Variants in KIF16B observed in about 807,000 individuals in gnomAD.
KIF16B encodes kinesin family member 16B.
KIF16B carries 98 observed loss-of-function variants against 156.3 expected under a neutral mutation model. The observed-to-expected ratio is 0.63, with a 90% CI of 0.53 to 0.74. The LOEUF (loss-of-function observed/expected upper bound fraction) is 0.74, where lower values mean the gene tolerates loss of function less well. Ranked by LOEUF, KIF16B falls within the 30% of genes least tolerant of loss-of-function variation. KIF16B has a pLI of 0.00. For missense variants in KIF16B, 1,421 were observed against 1,606.5 expected (o/e 0.88, Z 1.97); for synonymous variants, 564 against 583.7 (o/e 0.97, Z 0.49).
chr20:16,376,581 G>A (rs1309715262), intron 19 of KIF16B, among the ~76,000 whole-genome samples: 3 of 152,208 alleles, frequency 2.0e-5, no homozygotes, highest in African/African-American at 4.8e-5. Context: ...CCCGGAATCC[G>A]TCGGCCTGAA....
intron 23 of KIF16B, among the ~76,000 whole-genome samples, chr20:16,355,439 C>T (rs1456743706): frequency 6.6e-6 from 1 of 152,178 alleles, no homozygotes; most frequent in Non-Finnish European, 1.5e-5. Flanking sequence ...CAAATTGCAG[C>T]GGGGTCACAG....
rs1456630576 is a variant in KIF16B, at chr20:16,409,954, TATATATATATATATAC to T, written c.1613-3514_1613-3499del. ...CTTCCTACCCACTTACCTACATATA[TATATATATATATATAC>T]ATATATATATATATATATATATGTA... On this transcript the variant is annotated intron_variant, in intron 15 of 25. Transcript: ENST00000354981. Among the ~76,000 whole-genome samples, 164 of 33,748 alleles carry T rather than the reference TATATATATATATATAC, an allele frequency of 4.9e-3. 5 individuals are homozygous for T. Among genetic ancestry groups the T allele is most frequent in the African/African-American group, 0.012 (86 of 7,466 alleles). The allele number at this position is 33,748 out of a possible 152,430, so 22.1% of individuals were successfully genotyped here.
intron 23 of KIF16B, among the ~76,000 whole-genome samples, chr20:16,338,263 G>A (rs1039899799): frequency 1.1e-4 from 16 of 152,086 alleles, no homozygotes; most frequent in African/African-American, 2.7e-4. Flanking sequence ...CTGGGATGGC[G>A]GTCGATACTC....
At chr20:16,469,428 T>C (rs551379299) in intron 12 of KIF16B, among the ~76,000 whole-genome samples, 1 of 151,840 alleles carries the variant, frequency 6.6e-6, no homozygotes, top group Admixed American at 6.6e-5. Flanking sequence ...TGAAGAAATA[T>C]TTTAAACTAA....
At position 16,507,944 on chromosome 20, in the gene KIF16B, G is replaced by A. The variant is rs748736090; in HGVS notation, c.699+14C>T. On this transcript the variant is annotated intron_variant, in intron 7 of 25. Transcript: ENST00000354981. ...CTCAGGGATGGAGCCAGCTGGTCCC[G>A]CAGCAGCCCTTACCTGAGTGAACTT... 7.4e-5 allele frequency: 120 copies of A among 1,613,676 alleles called. No homozygotes were observed. The highest frequency in any genetic ancestry group is 9.0e-5 in the Non-Finnish European group (106 of 1,179,850).
In KIF16B at chr20:16,330,872, G is replaced by A. The variant is rs191335483; in HGVS notation, c.3711+5054C>T. ...AGAGACACTGGCTCCCTTCTGGCAC[G>A]GGATTCTAGGCCAGAGTGGTTCTCA... On this transcript the variant is annotated intron_variant, in intron 24 of 25. Transcript: ENST00000354981. Among the ~76,000 whole-genome samples, 9 of 152,324 alleles carry A rather than the reference G, an allele frequency of 5.9e-5. No individual in the cohort carries two copies. The East Asian group carries it at 7.7e-4, about 13-fold the overall frequency.
intron 17 of KIF16B, among the ~76,000 whole-genome samples, chr20:16,395,114 CT>C (rs1405065925): frequency 7.0e-6 from 1 of 143,252 alleles, no homozygotes; most frequent in Admixed American, 7.1e-5. Context: ...TCGGTGTCTT[CT>C]TACTCTCTCC....
chr20:16,351,647 T>C (rs1165278193), intron 23 of KIF16B, among the ~76,000 whole-genome samples: 1 of 151,670 alleles, frequency 6.6e-6, no homozygotes, highest in Non-Finnish European at 1.5e-5. Flanking sequence ...GCTTCAGCTT[T>C]CCCCACCCCA....
rs115724797 is a variant in KIF16B at position 16,491,378 on chromosome 20, A to G, written c.1302+2913T>C. On this transcript the variant is annotated intron_variant, in intron 12 of 25. Transcript: ENST00000354981. Reference sequence around the variant, plus strand: ...GTCTGGACTTTAGAAAATGAAAAGTAATAAAAATGAGGAAGGCAGACTAAG... The same window carrying G: ...GTCTGGACTTTAGAAAATGAAAAGTGATAAAAATGAGGAAGGCAGACTAAG... Among the ~76,000 whole-genome samples the G allele has an allele frequency of 9.9e-3, 1,512 of 152,304 alleles. 26 individuals carry two copies. The highest frequency in any genetic ancestry group is 0.081 in the South Asian group (390 of 4,818).
chr20:16,506,759 G>A (rs938918961), intron 7 of KIF16B, among the ~76,000 whole-genome samples: 4 of 151,842 alleles, frequency 2.6e-5, no homozygotes, highest in African/African-American at 7.3e-5. Flanking sequence ...TGCGCCCCCC[G>A]CCAGATTACT....
At chr20:16,312,501 C>A in intron 24 of KIF16B, 83 bp from the exon 25 acceptor site, 1 of 1,050,438 alleles carries the variant, frequency 9.5e-7, no homozygotes, top group Non-Finnish European at 1.4e-6. Context: ...TTTGAAATCT[C>A]TTCCATGGGG....
intron 15 of KIF16B, among the ~76,000 whole-genome samples, chr20:16,415,025 A>G (rs548306898): frequency 3.3e-5 from 5 of 152,282 alleles, no homozygotes; most frequent in African/African-American, 9.6e-5. Context: ...TATTAAATGC[A>G]TCTTCAACTT....
intron 25 of KIF16B, among the ~76,000 whole-genome samples, chr20:16,284,986 C>G (rs1401962623): frequency 6.6e-6 from 1 of 152,224 alleles, no homozygotes; most frequent in African/African-American, 2.4e-5. Flanking sequence ...GCAGCACCAT[C>G]TTCTGGAGCT....
chr20:16,472,705 C>T (rs983906512), intron 12 of KIF16B, among the ~76,000 whole-genome samples: 6 of 152,108 alleles, frequency 3.9e-5, no homozygotes, highest in African/African-American at 1.2e-4. Flanking sequence ...TCATGCCACG[C>T]GCTCTCACTA....
intron 3 of KIF16B, among the ~76,000 whole-genome samples, chr20:16,519,291 A>G (rs8182966): frequency 0.24 from 36,242 of 151,776 alleles, 4,946 homozygotes; most frequent in East Asian, 0.36. Context: ...ATCTTTCCCT[A>G]ATTTTTTAAG....
intron 25 of KIF16B, among the ~76,000 whole-genome samples, chr20:16,294,225 A>G (rs1294683845): frequency 6.6e-6 from 1 of 152,188 alleles, no homozygotes; most frequent in Non-Finnish European, 1.5e-5. Context: ...ACATACACAC[A>G]CAAACACATG....
At chr20:16,306,449 C>A (rs1265215193) in intron 25 of KIF16B, among the ~76,000 whole-genome samples, 1 of 152,118 alleles carries the variant, frequency 6.6e-6, no homozygotes, top group East Asian at 1.9e-4. Flanking sequence ...GACAACAGCT[C>A]CACCATGATT....
At chr20:16,358,378 A>G (rs1308568750) in intron 22 of KIF16B, among the ~76,000 whole-genome samples, 1 of 152,228 alleles carries the variant, frequency 6.6e-6, no homozygotes, top group Non-Finnish European at 1.5e-5. Flanking sequence ...TGTGGACGAC[A>G]GTATCCACAA....
At chr20:16,473,685 C>G (rs1015736367) in intron 12 of KIF16B, among the ~76,000 whole-genome samples, 6 of 152,060 alleles carry the variant, frequency 3.9e-5, no homozygotes, top group African/African-American at 1.4e-4. Context: ...CGGATTCTCC[C>G]AACTATGATA....
Sources: gnomAD v4.1 joint callset for allele counts (sites outside exome capture counted in the v4.1 genomes callset) on GRCh38, gnomAD v4.1.1 for gene constraint, MANE v1.5 for transcripts, NCBI Gene and HGNC (gene_info 2026-07-23, HGNC 2026-07-21) for gene names.